Variants in SLC41A2 observed in about 807,000 individuals in gnomAD.
SLC41A2 encodes the protein SLC41A1-like 1.
In SLC41A2, 32 loss-of-function variants were observed where a neutral mutation model predicts 58.3. The ratio of observed to expected loss-of-function variants is 0.55; its 90% CI spans 0.41 to 0.74. The LOEUF is 0.74. SLC41A2 is among the 30% of genes least tolerant of loss of function. The pLI is 0.00. For synonymous variants in SLC41A2, 190 were observed against 235.0 expected (o/e 0.81, Z 1.75); for missense variants, 514 against 680.6 (o/e 0.76, Z 2.72).
intron 8 of SLC41A2, among the ~76,000 whole-genome samples, chr12:104,859,179 T>G (rs1484243720): frequency 6.6e-6 from 1 of 152,126 alleles, no homozygotes; most frequent in Non-Finnish European, 1.5e-5. Context: ...TGCGCATGTC[T>G]TTGGGAAACA....
rs141246548 is a variant in SLC41A2 at position 104,845,942 on chromosome 12, T to C, written c.1288A>G (p.Ser430Gly). Reference protein sequence around the residue: ...IGGNLVAIQASRISTYLHLHS... With the variant: ...IGGNLVAIQAGRISTYLHLHS... Reference sequence around the variant, plus strand: ...AAATGGAGGTAGGTAGAAATCCTGCTAGCCTGAATGGCCACCAAATTACCA... The same window carrying C: ...AAATGGAGGTAGGTAGAAATCCTGCCAGCCTGAATGGCCACCAAATTACCA... Residue 430 changes from serine to glycine, a missense_variant, in exon 9 of 11, where the codon AGC becomes GGC. Transcript: ENST00000258538. 1 of 1,613,800 alleles carries C rather than the reference T, an allele frequency of 6.2e-7. No homozygotes were observed. Among genetic ancestry groups the C allele is most frequent in the East Asian group, 2.2e-5 (1 of 44,852 alleles).
At chr12:104,939,008 C>A (rs994453350) in intron 1 of SLC41A2, among the ~76,000 whole-genome samples, 1 of 152,028 alleles carries the variant, frequency 6.6e-6, no homozygotes, top group Non-Finnish European at 1.5e-5. Context: ...CATTTTAACA[C>A]CAAAAATGTA....
At chr12:104,935,976 G>A (rs1457495207) in intron 1 of SLC41A2, among the ~76,000 whole-genome samples, 2 of 151,882 alleles carry the variant, frequency 1.3e-5, no homozygotes, top group African/African-American at 2.4e-5. Context: ...CCAGGAGGCA[G>A]AGGTTGCAGT....
At chr12:104,853,911 A>ATTTTTTTTTTTTTTTTT (rs1555202443) in intron 8 of SLC41A2, among the ~76,000 whole-genome samples, 3 of 59,498 alleles carry the variant, frequency 5.0e-5, no homozygotes, top group African/African-American at 2.1e-4. Context: ...TGCCTGGCTG[A>ATTTTTTTTTTTTTTTTT]TTTTTTTTTT....
chr12:104,936,357 CAGTGAT>C (rs1486153909), intron 1 of SLC41A2, among the ~76,000 whole-genome samples: 1 of 152,144 alleles, frequency 6.6e-6, no homozygotes, highest in African/African-American at 2.4e-5. Flanking sequence ...AGGTGGAAGA[CAGTGAT>C]AGTGATGATC....
chr12:104,876,527 A>T (rs1447957924), intron 6 of SLC41A2, among the ~76,000 whole-genome samples: 1 of 151,972 alleles, frequency 6.6e-6, no homozygotes, highest in African/African-American at 2.4e-5. Context: ...TTGGTTGTTC[A>T]GGAGCATGAT....
At chr12:104,816,326 G>T (rs1036759893) in intron 10 of SLC41A2, among the ~76,000 whole-genome samples, 7 of 152,120 alleles carry the variant, frequency 4.6e-5, no homozygotes, top group Non-Finnish European at 1.0e-4. Context: ...AACAGAAAAC[G>T]ATGTAAAATG....
At chr12:104,957,991 T>TCCCGAGC (rs1184947563) in intron 1 of SLC41A2, 97 bp downstream of exon 1, 1 of 148,326 alleles carries the variant, frequency 6.7e-6, no homozygotes, top group Non-Finnish European at 1.5e-5. Flanking sequence ...CGCCGCCGGG[T>TCCCGAGC]CCCGAGCCCA....
At chr12:104,893,100 C>T (rs1447209460) in intron 4 of SLC41A2, among the ~76,000 whole-genome samples, 1 of 152,114 alleles carries the variant, frequency 6.6e-6, no homozygotes, top group Admixed American at 6.5e-5. Context: ...GCAAACTACC[C>T]ATCTGGCAAA....
chr12:104,914,858 A>G (rs2046243257), intron 2 of SLC41A2, among the ~76,000 whole-genome samples: 1 of 152,262 alleles, frequency 6.6e-6, no homozygotes, highest in Admixed American at 6.5e-5. Context: ...AGTGTTTATT[A>G]GCTGTAAGAC....
intron 1 of SLC41A2, among the ~76,000 whole-genome samples, chr12:104,957,884 G>C (rs1421513564): frequency 6.6e-6 from 1 of 152,144 alleles, no homozygotes; most frequent in East Asian, 1.9e-4. Context: ...GGGCAGGCGC[G>C]GGGGCCTGGG....
intron 10 of SLC41A2, among the ~76,000 whole-genome samples, chr12:104,812,141 A>G (rs2041199967): frequency 1.3e-5 from 2 of 152,220 alleles, no homozygotes; most frequent in African/African-American, 4.8e-5. Flanking sequence ...ACCTCCAGAG[A>G]GGAGAGCAGA....
At chr12:104,888,681 T>C (rs1044910864) in intron 5 of SLC41A2, among the ~76,000 whole-genome samples, 3 of 152,118 alleles carry the variant, frequency 2.0e-5, no homozygotes, top group Admixed American at 6.6e-5. Context: ...GAACACTTGT[T>C]ACTCAAGTGA....
At chr12:104,888,900 AT>A in intron 5 of SLC41A2, 132 bp downstream of exon 5, 3 of 945,660 alleles carry the variant, frequency 3.2e-6, no homozygotes, top group Non-Finnish European at 4.5e-6. Context: ...TAACTAAGGC[AT>A]TTTTTAAGTT....
chr12:104,911,614 T>C (rs181582436), intron 2 of SLC41A2, among the ~76,000 whole-genome samples: 7 of 152,340 alleles, frequency 4.6e-5, no homozygotes, highest in African/African-American at 1.7e-4. Context: ...AACTTATATC[T>C]ATCAGATAAA....
chr12:104,805,443 T>C (rs1057244468), intron 10 of SLC41A2, 106 bp from the exon 11 acceptor site: 9 of 795,466 alleles, frequency 1.1e-5, no homozygotes, highest in African/African-American at 3.5e-5. Context: ...CGTATGTGTC[T>C]AAGTCAAGAA....
chr12:104,823,113 C>T (rs563678962), intron 10 of SLC41A2, among the ~76,000 whole-genome samples: 1 of 152,140 alleles, frequency 6.6e-6, no homozygotes, highest in Non-Finnish European at 1.5e-5. Flanking sequence ...TCAACTTGGA[C>T]TTCCAGAAGG....
At position 104,928,419 on chromosome 12, in the gene SLC41A2, T is replaced by C; in HGVS notation, c.109A>G (p.Lys37Glu). 1.9e-6 allele frequency: 3 copies of C among 1,555,006 alleles called. No homozygotes were observed. The highest frequency in any genetic ancestry group is 2.6e-6 in the Non-Finnish European group (3 of 1,148,296). Reference protein sequence around the residue: ...TLRLNTIQSDKFLNLLLSMVP... With the variant: ...TLRLNTIQSDEFLNLLLSMVP... ...ATACTCAAGAGTAAATTTAAAAACT[T>C]GTCGGATTGAATTGTGTTTAAACGT... is the stretch of plus-strand genomic sequence containing the variant. The change falls in exon 2 of 11, where the codon AAG becomes GAG. Residue 37 changes from lysine to glutamate, a missense_variant. By Grantham distance (56) the Lys-to-Glu change is moderately conservative. This residue lies in a region of SLC41A2 where 336 missense variants were observed against 430.0 expected (regional missense o/e 0.78). Coordinates refer to ENST00000258538, the MANE Select transcript of SLC41A2 (RefSeq NM_001352171.3).
intron 3 of SLC41A2, among the ~76,000 whole-genome samples, chr12:104,904,751 C>T (rs1332076615): frequency 1.3e-5 from 2 of 151,738 alleles, no homozygotes. Flanking sequence ...TAAGGCATCG[C>T]GTCTGGAGTT....
Sources: gnomAD v4.1 joint callset for allele counts (sites outside exome capture counted in the v4.1 genomes callset) on GRCh38, gnomAD v4.1.1 for gene constraint, gnomAD v4.1.1 regional missense constraint, MANE v1.5 for transcripts, NCBI Gene and HGNC (gene_info 2026-07-23, HGNC 2026-07-21) for gene names.